The following POLI variants were observed in gnomAD, a reference collection of about 807,000 sequenced individuals.
The protein encoded by POLI is RAD30 homolog B.
Under a neutral mutation model 51.6 loss-of-function variants are expected in POLI, and 58 were observed. The ratio of observed to expected loss-of-function variants is 1.12; its 90% confidence interval spans 0.91 to 1.40. The LOEUF is 1.40. Among genes scored for constraint, POLI ranks in the 40% most tolerant of loss-of-function variants. POLI has a pLI of 0.00. For synonymous variants in POLI, 322 were observed against 299.7 expected, an observed-to-expected ratio of 1.07 and a Z score of -0.77; for missense variants, 921 against 871.3, an observed-to-expected ratio of 1.06 and a Z score of -0.72.
At position 54,295,177 on chromosome 18, in the gene POLI, C is replaced by T. The variant is rs551451463; in HGVS notation, c.*710C>T. The T allele has an allele frequency of 1.9e-4, 191 of 985,294 alleles. 1 individual carries two copies. In the African/African-American group the frequency reaches 3.2e-3, roughly 16 times the overall value. The allele number at this position is 985,294 out of a possible 1,614,324, so 61.0% of individuals were successfully genotyped here. A position where few individuals can be genotyped will look rare whatever the true frequency, so the allele number is the denominator to read the frequency against. ...AGTAAATTAAGGGAAAGATGGACAC[C>T]AGAAAGGCAAGGTGATGGGCCTATA... is the stretch of plus-strand genomic sequence containing the variant. On this transcript the variant is annotated 3_prime_UTR_variant, in exon 10 of 10. Transcript: ENST00000579534.
intron 9 of POLI, among the ~76,000 whole-genome samples, chr18:54,292,272 A>C (rs1412884562): frequency 6.6e-6 from 1 of 152,124 alleles, no homozygotes; most frequent in Non-Finnish European, 1.5e-5. Flanking sequence ...ACCATTATGG[A>C]GGTTCTCTAT....
intron 8 of POLI, among the ~76,000 whole-genome samples, chr18:54,289,582 A>G (rs897130140): frequency 1.3e-5 from 2 of 150,956 alleles, no homozygotes; most frequent in Non-Finnish European, 3.0e-5. Flanking sequence ...AAACTATACT[A>G]CAAGGCTACA....
chr18:54,307,011 TC>T (rs1202432301), intron 3 of POLI, among the ~76,000 whole-genome samples: 1 of 152,198 alleles, frequency 6.6e-6, no homozygotes, highest in Non-Finnish European at 1.5e-5. Context: ...CAAGAAAAGA[TC>T]AACAAAATTG....
At chr18:54,274,223 T>C (rs775520539) in intron 3 of POLI, 133 bp downstream of exon 3, 3 of 424,766 alleles carry the variant, frequency 7.1e-6, no homozygotes, top group Non-Finnish European at 8.2e-6. Context: ...ATTTTGGGTC[T>C]TGTCAACTTT....
intron 2 of POLI, among the ~76,000 whole-genome samples, chr18:54,271,894 T>C (rs1255778314): frequency 2.0e-5 from 3 of 152,218 alleles, no homozygotes; most frequent in African/African-American, 7.2e-5. Context: ...GTGTAACATC[T>C]AACTAACTAG....
intron 6 of POLI, 183 bp from the exon 7 acceptor site, chr18:54,283,739 C>G: frequency 2.7e-6 from 1 of 369,076 alleles, no homozygotes; most frequent in East Asian, 4.2e-5. Flanking sequence ...TATTAACTTT[C>G]TAGTGAGTAC....
intron 2 of POLI, among the ~76,000 whole-genome samples, chr18:54,271,952 C>T (rs543772528): frequency 6.6e-6 from 1 of 151,878 alleles, no homozygotes; most frequent in African/African-American, 2.4e-5. Context: ...GCAAACTTGC[C>T]GTAAAAACAT....
Position 54,274,007 on chromosome 18 carries a change from A to G in POLI, c.323A>G (p.Asp108Gly), listed in dbSNP as rs773284925. The G allele has an allele frequency of 1.3e-6, 2 of 1,584,774 alleles. No homozygotes were observed. ...LGVKKLMNVRDAKEKCPQLVL... is the reference protein window; with the variant it reads ...LGVKKLMNVRGAKEKCPQLVL... ...GTTAAGAAACTTATGAATGTCAGAG[A>G]TGCAAAAGAAAAGTGTCCACAGTTG... Residue 108 changes from aspartate (D) to glycine (G), a missense_variant, in exon 3 of 10, where the codon GAT becomes GGT. Transcript: ENST00000579534.
intron 5 of POLI, among the ~76,000 whole-genome samples, chr18:54,282,017 GTT>G (rs1339452289): frequency 6.6e-6 from 1 of 152,108 alleles, no homozygotes; most frequent in Non-Finnish European, 1.5e-5. Context: ...CTTTGTGACA[GTT>G]TTGCTAGCAA....
At position 54,293,745 on chromosome 18, in the gene POLI, G is replaced by T. The variant is rs371061336; in HGVS notation, c.1501G>T (p.Glu501Ter). The T allele has an allele frequency of 6.2e-7, 1 of 1,606,392 alleles. No individual in the cohort carries two copies. Among genetic ancestry groups the T allele is most frequent in the Admixed American group, 1.7e-5 (1 of 59,174 alleles). ...AAGAATTGAAAGTACAAGAACTAGG[G>T]AGTCTCCACTAGATACCACAAATTT... ...SGRIESTRTR[E>*]SPLDTTNFSK... is the part of the protein sequence containing the mutation. The change falls in exon 10 of 10, where the codon GAG becomes TAG. Residue 501 changes from glutamate (E) to a stop codon, truncating the protein, a stop_gained. Transcript: ENST00000579534. LOFTEE classifies it low-confidence loss of function (END_TRUNC).
downstream of POLI, among the ~76,000 whole-genome samples, chr18:54,300,099 G>A (rs1311423698): frequency 2.6e-4 from 31 of 118,964 alleles, no homozygotes; most frequent in Admixed American, 2.6e-3. Context: ...CCAACAGGCA[G>A]GAAGAGCACA....
In POLI at chr18:54,294,536, T is replaced by C. The variant is rs893806679; in HGVS notation, c.*69T>C. 2 of 1,476,624 alleles carry C rather than the reference T, an allele frequency of 1.4e-6. No homozygotes were observed. The highest frequency in any genetic ancestry group is 1.8e-6 in the Non-Finnish European group (2 of 1,119,486). 91.5% of individuals were successfully genotyped at this position (1,476,624 alleles called of 1,614,324 possible). Reference sequence around the variant, plus strand: ...TTTTCGGATTAGCGGTTTATTAAGCTCTTCTATATTAAACACTAATAGATA... The same window carrying C: ...TTTTCGGATTAGCGGTTTATTAAGCCCTTCTATATTAAACACTAATAGATA... On this transcript the variant is annotated 3_prime_UTR_variant, in exon 10 of 10. Transcript: ENST00000579534.
intron 9 of POLI, 23 bp from the exon 10 acceptor site, chr18:54,293,626 A>T: frequency 6.8e-7 from 1 of 1,461,906 alleles, no homozygotes; most frequent in East Asian, 2.3e-5. Flanking sequence ...TATGTAAATT[A>T]GTCTGTTATT....
At chr18:54,308,409 T>C (rs1489866366) in intron 3 of POLI, among the ~76,000 whole-genome samples, 1 of 152,200 alleles carries the variant, frequency 6.6e-6, no homozygotes, top group Non-Finnish European at 1.5e-5. Context: ...GAATATTGGC[T>C]CCCACTCTCT....
At chr18:54,318,546 C>T (rs634917) in intron 3 of POLI, among the ~76,000 whole-genome samples, 10,039 of 152,068 alleles carry the variant, frequency 0.066, 380 homozygotes, top group African/African-American at 0.087. Context: ...ATTTCAGCTG[C>T]GTTCATGTTT....
Position 54,296,245 on chromosome 18 carries a change from A to G in POLI, c.*1778A>G, listed in dbSNP as rs1381744193. The G allele has an allele frequency of 2.0e-6, 2 of 985,296 alleles. No homozygotes were observed. Among genetic ancestry groups the G allele is most frequent in the Non-Finnish European group, 2.4e-6 (2 of 829,926 alleles). The allele number at this position is 985,296 out of a possible 1,614,324, so 61.0% of individuals were successfully genotyped here. On this transcript the variant is annotated 3_prime_UTR_variant, in exon 10 of 10. Coordinates refer to ENST00000579534, the MANE Select transcript of POLI (RefSeq NM_007195.3). ...GGCTTAAGAAAAAATGGCTAAGAAA[A>G]CAAAGTAAATGGTTTTGGCCAGCTT... is the stretch of plus-strand genomic sequence containing the variant.
intron 7 of POLI, 151 bp downstream of exon 7, chr18:54,284,164 A>G (rs2087645008): frequency 4.0e-6 from 2 of 496,652 alleles, no homozygotes; most frequent in East Asian, 3.3e-5. Context: ...TCTCTGCTTT[A>G]TAAACTGTTG....
chr18:54,293,687 CAAAG>C lies in POLI; in HGVS notation c.1447_1450del (p.Glu483GlnfsTer21), dbSNP rs2088138370. On this transcript the variant is annotated frameshift_variant, in exon 10 of 10. Transcript: ENST00000579534. LOFTEE classifies it low-confidence loss of function (END_TRUNC). ...CTCATATGGAAGATTTTCCCAAAGA[CAAAG>C]AAACAAACCGGGATTTCCTACCAAG... 2 of 1,590,818 alleles carry C rather than the reference CAAAG, an allele frequency of 1.3e-6. No individual in the cohort carries two copies. Among genetic ancestry groups the C allele is most frequent in the Non-Finnish European group, 1.7e-6 (2 of 1,171,304 alleles).
chr18:54,293,737 G>A lies in POLI; in HGVS notation c.1493G>A (p.Arg498Lys), dbSNP rs147885622. 1.4e-4 allele frequency: 229 copies of A among 1,606,164 alleles called. 1 individual carries two copies. The African/African-American group carries it at 2.8e-3, about 20-fold the overall frequency. ...FLPSGRIESTRTRESPLDTTN... is the reference protein window; with the variant it reads ...FLPSGRIESTKTRESPLDTTN... Reference sequence around the variant, plus strand: ...CCAAGTGGAAGAATTGAAAGTACAAGAACTAGGGAGTCTCCACTAGATACC... The same window carrying A: ...CCAAGTGGAAGAATTGAAAGTACAAAAACTAGGGAGTCTCCACTAGATACC... The change falls in exon 10 of 10, where the codon AGA becomes AAA. Residue 498 changes from arginine (R) to lysine (K), a missense_variant. Arg to Lys is a conservative substitution (Grantham distance 26, BLOSUM62 2). Coordinates refer to ENST00000579534, the MANE Select transcript of POLI (RefSeq NM_007195.3).
Sources: allele counts gnomAD v4.1 joint callset (sites outside exome capture counted in the v4.1 genomes callset), GRCh38; gene constraint gnomAD v4.1.1; transcripts MANE v1.5; gene names NCBI Gene and HGNC (gene_info 2026-07-23, HGNC 2026-07-21).